KNOP1: variants seen among roughly 807,000 people sequenced by gnomAD.
KNOP1 encodes the protein lysine rich nucleolar protein 1, also known as lysine-rich nucleolar protein 1.
KNOP1 carries 20 observed loss-of-function variants against 30.6 expected under a neutral mutation model. The ratio of observed to expected loss-of-function variants is 0.65; its 90% CI spans 0.46 to 0.95. KNOP1 has a LOEUF of 0.95. KNOP1 is among the 40% of genes least tolerant of loss of function. The pLI, the probability that KNOP1 is intolerant of heterozygous loss-of-function variation, is 0.00. For missense variants in KNOP1, 540 were observed against 562.0 expected (o/e 0.96, Z 0.40); for synonymous variants, 204 against 210.0 (o/e 0.97, Z 0.25).
At chr16:19,710,277 CA>C (rs1267660151) in intron 4 of KNOP1, 8 of 590,242 alleles carry the variant, frequency 1.4e-5, no homozygotes, top group African/African-American at 1.3e-4. Context: ...AAGGTTCAGG[CA>C]GCTTATCTCA....
At position 19,703,444 on chromosome 16, in the gene KNOP1, T is replaced by C. The variant is rs1437756816; in HGVS notation, c.*3466A>G. ...TCTTCCTGTTTTAAGGTCAGCTGAT[T>C]AGCAAACTTAATTCCCTTTTGTTTC... is the stretch of plus-strand genomic sequence containing the variant. On this transcript the variant is annotated 3_prime_UTR_variant, in exon 5 of 5. Transcript: ENST00000219837. The C allele has an allele frequency of 6.6e-6, 1 of 152,180 alleles. No homozygotes were observed. The highest frequency in any genetic ancestry group is 1.5e-5 in the Non-Finnish European group (1 of 68,034). 9.4% of individuals were successfully genotyped at this position (152,180 alleles called of 1,614,324 possible).
chr16:19,713,497 C>T (rs956114718), intron 2 of KNOP1, among the ~76,000 whole-genome samples: 1 of 152,184 alleles, frequency 6.6e-6, no homozygotes, highest in Admixed American at 6.5e-5. Context: ...ACCCTTCTTC[C>T]TTTGGGGGTG....
intron 2 of KNOP1, 120 bp from the exon 3 acceptor site, chr16:19,711,560 C>G: frequency 1.2e-6 from 1 of 860,360 alleles, no homozygotes; most frequent in South Asian, 1.4e-5. Context: ...ACGGCATCAC[C>G]CCCAGCCCTG....
rs1175755134 is a variant in KNOP1, at chr16:19,703,180, AT to A, written c.*3729del. The A allele has an allele frequency of 6.6e-6, 1 of 152,222 alleles. No homozygotes were observed. The highest frequency in any genetic ancestry group is 6.5e-5 in the Admixed American group (1 of 15,284). 9.4% of individuals were successfully genotyped at this position (152,222 alleles called of 1,614,324 possible). On this transcript the variant is annotated 3_prime_UTR_variant, in exon 5 of 5. Transcript: ENST00000219837. ...GGTCTCACTGAGCTAAAATTAAGGCATCAGCAGGGCTACGCTCCTTCTGGGA... is the reference window on the plus strand; with the variant it reads ...GGTCTCACTGAGCTAAAATTAAGGCACAGCAGGGCTACGCTCCTTCTGGGA...
intron 2 of KNOP1, among the ~76,000 whole-genome samples, chr16:19,713,677 T>C (rs1417236815): frequency 6.6e-6 from 1 of 152,190 alleles, no homozygotes; most frequent in Non-Finnish European, 1.5e-5. Context: ...GATGTATAAA[T>C]TGTGTATACT....
At chr16:19,709,270 G>A (rs927777693) in intron 4 of KNOP1, among the ~76,000 whole-genome samples, 1 of 152,188 alleles carries the variant, frequency 6.6e-6, no homozygotes, top group Non-Finnish European at 1.5e-5. Context: ...CTTTTGATCC[G>A]AATCGACTGT....
chr16:19,709,929 T>A (rs976169744), intron 4 of KNOP1, among the ~76,000 whole-genome samples: 2 of 152,140 alleles, frequency 1.3e-5, no homozygotes, highest in African/African-American at 4.8e-5. Context: ...ATGATGGGGA[T>A]CACATGGGCT....
At position 19,707,036 on chromosome 16, in the gene KNOP1, C is replaced by G. The variant is rs1417299049; in HGVS notation, c.1251G>C (p.Gln417His). 2 of 1,614,212 alleles carry G rather than the reference C, an allele frequency of 1.2e-6. No individual in the cohort carries two copies. Among genetic ancestry groups the G allele is most frequent in the Admixed American group, 3.3e-5 (2 of 60,026 alleles). ...AGCTCATGGCCCGGTCGTAGTCCCG[C>G]TGCAGATTCTGCTGCAGGCTGTCAG... ...KAADSLQQNL[Q>H]RDYDRAMSWK... The change falls in exon 5 of 5, where the codon CAG (glutamine) becomes CAC (histidine). Residue 417 changes from glutamine to histidine, a missense_variant. By Grantham distance (24) the Gln-to-His change is conservative. Transcript: ENST00000219837.
In KNOP1 at chr16:19,714,436, C is replaced by A; in HGVS notation, c.600G>T (p.Arg200=). The A allele has an allele frequency of 6.2e-7, 1 of 1,613,892 alleles. No homozygotes were observed. The highest frequency in any genetic ancestry group is 1.1e-5 in the South Asian group (1 of 91,068). The change falls in exon 2 of 5, where the codon CGG becomes CGT. Residue 200 remains arginine (R), a synonymous_variant. Transcript: ENST00000219837. The part of the protein sequence containing the change: ...DEEQAALGQK[R]KRKSPREHNG... ...TGTGTTCTCTGGGGCTCTTCCGCTTCCGTTTCTGCCCCAAGGCTGCCTGTT... is the reference window on the plus strand; with the variant it reads ...TGTGTTCTCTGGGGCTCTTCCGCTTACGTTTCTGCCCCAAGGCTGCCTGTT...
intron 1 of KNOP1, chr16:19,716,568 G>A (rs1359291144): frequency 6.6e-6 from 1 of 152,216 alleles, no homozygotes; most frequent in East Asian, 1.9e-4. Flanking sequence ...TGAGGAGTTT[G>A]GGTGGCCGTG....
chr16:19,717,943 C>G (rs911631026), intron 1 of KNOP1: 2 of 1,212,618 alleles, frequency 1.6e-6, no homozygotes, highest in African/African-American at 3.2e-5. Context: ...CATCAACAGA[C>G]TGGGAGGGAT....
chr16:19,710,573 G>C lies in KNOP1; in HGVS notation c.1001C>G (p.Ala334Gly). Residue 334 changes from alanine to glycine, a missense_variant, in exon 4 of 5, where the codon GCC becomes GGC. Transcript: ENST00000219837. ...CTCGCGATCGATCTCTTCTTGCAAG[G>C]CCTTTCGCCTCACCTGAGCAAGAAG... ...EAHIDQVRRK[A>G]LQEEIDRESG... The C allele has an allele frequency of 6.2e-7, 1 of 1,612,194 alleles. No individual in the cohort carries two copies. The highest frequency in any genetic ancestry group is 8.5e-7 in the Non-Finnish European group (1 of 1,179,988).
intron 3 of KNOP1, among the ~76,000 whole-genome samples, 197 bp from the exon 4 acceptor site, chr16:19,710,783 G>A (rs1369204232): frequency 6.6e-6 from 1 of 152,034 alleles, no homozygotes; most frequent in African/African-American, 2.4e-5. Context: ...GCCTACACTG[G>A]GCAGGCTCAT....
At chr16:19,717,149 T>C (rs1567524467) in intron 1 of KNOP1, among the ~76,000 whole-genome samples, 1 of 152,202 alleles carries the variant, frequency 6.6e-6, no homozygotes, top group Non-Finnish European at 1.5e-5. Context: ...GGCCCTACTG[T>C]GCCTAATTTA....
At chr16:19,711,508 C>A (rs1597467971) in intron 2 of KNOP1, 68 bp from the exon 3 acceptor site, 1 of 1,477,238 alleles carries the variant, frequency 6.8e-7, no homozygotes, top group Non-Finnish European at 9.5e-7. Flanking sequence ...CTGCACCCAG[C>A]CAGGGTGAGA....
chr16:19,709,827 G>C (rs187871799), intron 4 of KNOP1, among the ~76,000 whole-genome samples: 1 of 152,100 alleles, frequency 6.6e-6, no homozygotes, highest in African/African-American at 2.4e-5. Context: ...TCTCCTGACC[G>C]CTACTGCCAC....
At chr16:19,712,390 T>C (rs528703587) in intron 2 of KNOP1, among the ~76,000 whole-genome samples, 8 of 152,268 alleles carry the variant, frequency 5.3e-5, no homozygotes, top group African/African-American at 1.9e-4. Context: ...AGCAGATTGG[T>C]GCAGAGCTCG....
chr16:19,707,250 T>C lies in KNOP1; in HGVS notation c.1066-29A>G, dbSNP rs751823336. On this transcript the variant is annotated intron_variant, in intron 4 of 4. Transcript: ENST00000219837. The stretch of plus-strand genomic sequence containing the variant: ...TGAGGAGAGGAAAAAGGTGGCTATT[T>C]TCCTTGAGTTCAAAGCCCTTTCCTT... 5 of 1,591,524 alleles carry C rather than the reference T, an allele frequency of 3.1e-6. No homozygotes were observed. In the South Asian group the frequency reaches 5.6e-5, roughly 18 times the overall value.
rs1976350960 is a variant in KNOP1 at position 19,706,381 on chromosome 16, A to G, written c.*529T>C. ...TGGCTGGGTGACCCCAGGCAATTTTATTACTTTATCCCTGAACCTCAGTTG... is the reference window on the plus strand; with the variant it reads ...TGGCTGGGTGACCCCAGGCAATTTTGTTACTTTATCCCTGAACCTCAGTTG... On this transcript the variant is annotated 3_prime_UTR_variant, in exon 5 of 5. Transcript: ENST00000219837. 1 of 153,320 alleles carries G rather than the reference A, an allele frequency of 6.5e-6. No individual in the cohort carries two copies. Among genetic ancestry groups the G allele is most frequent in the Non-Finnish European group, 1.5e-5 (1 of 68,598 alleles). The allele number at this position is 153,320 out of a possible 1,614,324, so 9.5% of individuals were successfully genotyped here.
Sources: gnomAD v4.1 joint callset for allele counts (sites outside exome capture counted in the v4.1 genomes callset) on GRCh38, gnomAD v4.1.1 for gene constraint, MANE v1.5 for transcripts, NCBI Gene and HGNC (gene_info 2026-07-23, HGNC 2026-07-21) for gene names.